Variants in SGCZ observed in about 807,000 individuals in gnomAD.
SGCZ encodes zeta-sarcoglycan.
In SGCZ, 40 loss-of-function variants were observed where a neutral mutation model predicts 41.3. The ratio of observed to expected loss-of-function variants is 0.97; its 90% CI spans 0.75 to 1.26. The LOEUF (loss-of-function observed/expected upper bound fraction) is 1.26, where lower values mean the gene tolerates loss of function less well. Ranked by LOEUF, SGCZ falls within the 50% of genes most tolerant of loss-of-function variation. The pLI is 0.00. For missense variants in SGCZ, 552 were observed against 369.8 expected, an observed-to-expected ratio of 1.49 and a Z score of -4.04; for synonymous variants, 206 against 137.5, an observed-to-expected ratio of 1.50 and a Z score of -3.49.
At chr8:14,440,149 C>A (rs887492274) in intron 2 of SGCZ, among the ~76,000 whole-genome samples, 1 of 151,944 alleles carries the variant, frequency 6.6e-6, no homozygotes. Flanking sequence ...TTGATAAAAA[C>A]TACAAGGTGT....
rs377748171 is a variant in SGCZ at position 14,854,484 on chromosome 8, C to G, written c.40-299558G>C. ...ATAAATACTGTCAATAAGTTATCAACTAAATATTAAGGCACTTCTTAGATT... is the reference window on the plus strand; with the variant it reads ...ATAAATACTGTCAATAAGTTATCAAGTAAATATTAAGGCACTTCTTAGATT... On this transcript the variant is annotated intron_variant, in intron 1 of 7. Transcript: ENST00000382080. 4.1e-3 allele frequency among the ~76,000 whole-genome samples: 622 copies of G among 151,998 alleles called. 4 individuals are homozygous for G. The highest frequency in any genetic ancestry group is 0.018 in the South Asian group (88 of 4,808).
intron 1 of SGCZ, among the ~76,000 whole-genome samples, chr8:14,885,988 TATATATATATATATA>T (rs1804780809): frequency 3.0e-4 from 4 of 13,244 alleles, no homozygotes; most frequent in Non-Finnish European, 6.7e-4. Context: ...CTTTATGTTA[TATATATATATATATA>T]TATATATATA....
intron 1 of SGCZ, among the ~76,000 whole-genome samples, chr8:14,898,975 A>G (rs2130756300): frequency 6.6e-6 from 1 of 152,306 alleles, no homozygotes; most frequent in East Asian, 1.9e-4. Flanking sequence ...AATGTAAAAT[A>G]ATTTTTTAAA....
At chr8:14,975,921 C>A (rs62495382) in intron 1 of SGCZ, among the ~76,000 whole-genome samples, 1 of 146,382 alleles carries the variant, frequency 6.8e-6, no homozygotes. Context: ...CATATCTAAA[C>A]ATTGTTTATA....
chr8:14,642,327 A>T (rs1188614610), intron 1 of SGCZ, among the ~76,000 whole-genome samples: 2 of 151,632 alleles, frequency 1.3e-5, no homozygotes, highest in African/African-American at 4.8e-5. Context: ...TTATATAAGA[A>T]CTATACCATC....
At chr8:14,311,848 G>T (rs1229199920) in intron 3 of SGCZ, among the ~76,000 whole-genome samples, 1 of 151,968 alleles carries the variant, frequency 6.6e-6, no homozygotes, top group Non-Finnish European at 1.5e-5. Context: ...AATGTCACTG[G>T]GCACTTAATA....
At chr8:14,633,075 G>T (rs1468967092) in intron 1 of SGCZ, among the ~76,000 whole-genome samples, 2 of 151,968 alleles carry the variant, frequency 1.3e-5, no homozygotes, top group Admixed American at 1.3e-4. Context: ...TACCTGTCTT[G>T]TAACTGTCAC....
intron 2 of SGCZ, among the ~76,000 whole-genome samples, chr8:14,472,553 A>T (rs79325833): frequency 0.036 from 5,429 of 152,186 alleles, 299 homozygotes; most frequent in African/African-American, 0.12. Flanking sequence ...TCCCAACCAT[A>T]TACTGGGATA....
chr8:14,282,393 T>C (rs1057005048), intron 3 of SGCZ, among the ~76,000 whole-genome samples: 2 of 152,150 alleles, frequency 1.3e-5, no homozygotes, highest in African/African-American at 4.8e-5. Context: ...TTCTATCATC[T>C]TCCTAACCTC....
chr8:15,209,159 C>G (rs1166102091), intron 1 of SGCZ, among the ~76,000 whole-genome samples: 2 of 151,894 alleles, frequency 1.3e-5, no homozygotes, highest in East Asian at 3.9e-4. Context: ...TTCTAAAGCA[C>G]CTTTTAGAGC....
chr8:14,594,876 G>T (rs111472293), intron 1 of SGCZ, among the ~76,000 whole-genome samples: 5 of 151,776 alleles, frequency 3.3e-5, no homozygotes, highest in Admixed American at 2.6e-4. Context: ...ATTATTTTCT[G>T]TGTCTCTATT....
At chr8:14,930,478 A>G (rs950107691) in intron 1 of SGCZ, among the ~76,000 whole-genome samples, 6 of 152,044 alleles carry the variant, frequency 3.9e-5, no homozygotes, top group African/African-American at 1.5e-4. Context: ...CAGCAATCCC[A>G]TTACTGGGTA....
intron 1 of SGCZ, among the ~76,000 whole-genome samples, chr8:15,221,496 G>GA: frequency 6.6e-6 from 1 of 152,242 alleles, no homozygotes; most frequent in African/African-American, 2.4e-5. Context: ...AATTTTCACT[G>GA]AAAATTCTAG....
intron 1 of SGCZ, among the ~76,000 whole-genome samples, chr8:15,129,787 G>A (rs1463314568): frequency 2.0e-5 from 3 of 149,632 alleles, no homozygotes; most frequent in African/African-American, 7.4e-5. Context: ...TCTCTTTGCA[G>A]GAAGTTGCCA....
At chr8:14,333,385 G>A (rs891840224) in intron 2 of SGCZ, among the ~76,000 whole-genome samples, 2 of 152,014 alleles carry the variant, frequency 1.3e-5, no homozygotes, top group African/African-American at 4.8e-5. Context: ...CCTAAAAATT[G>A]CCATCTGTAA....
chr8:14,581,166 G>C (rs1804875303), intron 1 of SGCZ, among the ~76,000 whole-genome samples: 1 of 152,074 alleles, frequency 6.6e-6, no homozygotes, highest in Non-Finnish European at 1.5e-5. Flanking sequence ...GCAGTGCAGT[G>C]GTGCGATCTC....
At chr8:14,909,390 C>T (rs1799215061) in intron 1 of SGCZ, among the ~76,000 whole-genome samples, 1 of 151,982 alleles carries the variant, frequency 6.6e-6, no homozygotes. Context: ...TAATTAATTT[C>T]GTGTTTTAAC....
At chr8:14,427,475 C>T (rs1284158891) in intron 2 of SGCZ, among the ~76,000 whole-genome samples, 1 of 151,834 alleles carries the variant, frequency 6.6e-6, no homozygotes, top group Admixed American at 6.6e-5. Context: ...TATCTTTCTC[C>T]CGGTATATTT....
chr8:14,550,556 G>C (rs1351657467), intron 2 of SGCZ, among the ~76,000 whole-genome samples: 1 of 151,832 alleles, frequency 6.6e-6, no homozygotes, highest in African/African-American at 2.4e-5. Flanking sequence ...GCTATGTGTG[G>C]GGTCTAAATG....
Sources: allele counts gnomAD v4.1 joint callset (sites outside exome capture counted in the v4.1 genomes callset), GRCh38; gene constraint gnomAD v4.1.1; transcripts MANE v1.5; gene names NCBI Gene and HGNC (gene_info 2026-07-23, HGNC 2026-07-21).